Variants in MARVELD2 observed in about 807,000 individuals in gnomAD.
The protein encoded by MARVELD2 is MARVEL domain containing 2, also known as MARVEL domain-containing protein 2.
In MARVELD2, 49 loss-of-function variants were observed where a neutral mutation model predicts 57.6. That is an observed-to-expected ratio of 0.85 (90% CI 0.68 to 1.08). The LOEUF (loss-of-function observed/expected upper bound fraction) is 1.08, where lower values mean the gene tolerates loss of function less well. Ranked by LOEUF, MARVELD2 falls within the 50% of genes least tolerant of loss-of-function variation. The probability of loss-of-function intolerance (pLI) is 0.00; values close to 1 mark genes in which losing one functional copy is unlikely to be tolerated. For missense variants in MARVELD2, 606 were observed against 701.1 expected (o/e 0.86, Z 1.53); for synonymous variants, 238 against 258.8 (o/e 0.92, Z 0.77).
chr5:69,424,758 C>T, intron 3 of MARVELD2, 122 bp downstream of exon 3: 1 of 783,334 alleles, frequency 1.3e-6, no homozygotes. Context: ...GGTGTGGTGG[C>T]TCACACCTGT....
At chr5:69,422,507 G>A (rs914996709) in intron 2 of MARVELD2, among the ~76,000 whole-genome samples, 4 of 152,052 alleles carry the variant, frequency 2.6e-5, no homozygotes, top group African/African-American at 4.8e-5. Flanking sequence ...GGAAATTCCC[G>A]CCTAATAAAT....
intron 3 of MARVELD2, among the ~76,000 whole-genome samples, chr5:69,427,389 T>A (rs111588094): frequency 6.6e-6 from 1 of 151,234 alleles, no homozygotes; most frequent in Non-Finnish European, 1.5e-5. Flanking sequence ...TAGCTAGTTC[T>A]CCCTATATCT....
chr5:69,421,977 C>G (rs572087971), intron 2 of MARVELD2, among the ~76,000 whole-genome samples: 2 of 152,084 alleles, frequency 1.3e-5, no homozygotes, highest in Admixed American at 6.6e-5. Context: ...TTTCTTATGC[C>G]TGTCTTTACT....
At chr5:69,425,793 A>G (rs60436607) in intron 3 of MARVELD2, among the ~76,000 whole-genome samples, 2,111 of 149,676 alleles carry the variant, frequency 0.014, 51 homozygotes, top group African/African-American at 0.049. Flanking sequence ...CAGTGGCGCT[A>G]TCTCGGCTCA....
rs1766341048 is a variant in MARVELD2 at position 69,415,136 on chromosome 5, G to C, written c.-50G>C. On this transcript the variant is annotated 5_prime_UTR_variant, in exon 1 of 7. Transcript: ENST00000325631. ...AGCCCGATACCGGTTTCAGAGTCCT[G>C]GGCAGCGTGCGCGCTCTTCCTGGCG... 2 of 152,324 alleles carry C rather than the reference G, an allele frequency of 1.3e-5. No individual in the cohort carries two copies. Among genetic ancestry groups the C allele is most frequent in the Non-Finnish European group, 2.9e-5 (2 of 68,142 alleles). 9.4% of individuals were successfully genotyped at this position (152,324 alleles called of 1,614,324 possible).
chr5:69,420,081 C>T lies in MARVELD2; in HGVS notation c.696C>T (p.Gly232=). 6.2e-7 allele frequency: 1 copy of T among 1,614,094 alleles called. No homozygotes were observed. The highest frequency in any genetic ancestry group is 2.2e-5 in the East Asian group (1 of 44,882). ...TGTTTGGATATTCACAACCGTATGG[C>T]ATGGGAGGCGTTGGTGGATTGGGCA... ...YNLFGYSQPY[G]MGGVGGLGSM... The change falls in exon 2 of 7, where the codon GGC becomes GGT. Residue 232 remains glycine (G), a synonymous_variant. Transcript: ENST00000325631.
intron 3 of MARVELD2, among the ~76,000 whole-genome samples, chr5:69,425,400 A>AT (rs1474248528): frequency 5.6e-5 from 8 of 143,944 alleles, no homozygotes; most frequent in East Asian, 4.1e-4. Flanking sequence ...ATAATAAAAA[A>AT]ATATATATAT....
intron 5 of MARVELD2, among the ~76,000 whole-genome samples, chr5:69,434,458 C>G (rs1158351866): frequency 7.0e-6 from 1 of 142,466 alleles, no homozygotes; most frequent in Non-Finnish European, 1.5e-5. Context: ...GACCATGTCT[C>G]CAAAAAAAAA....
intron 5 of MARVELD2, among the ~76,000 whole-genome samples, chr5:69,436,426 CACACACACACACACACACACACACACAT>C (rs1411869932): frequency 1.4e-5 from 2 of 140,144 alleles, no homozygotes; most frequent in African/African-American, 2.6e-5. Context: ...CACACACACA[CACACACACACACACACACACACACACAT>C]ATATATAAAT....
Position 69,419,756 on chromosome 5 carries a change from C to T in MARVELD2, c.371C>T (p.Pro124Leu), listed in dbSNP as rs1210410073. Residue 124 changes from proline to leucine, a missense_variant, in exon 2 of 7, where the codon CCA (proline) becomes CTA (leucine). Coordinates refer to ENST00000325631, the MANE Select transcript of MARVELD2 (RefSeq NM_001038603.3). ...ECSPPASPAR[P>L]NHRSPLNSCK... Reference sequence around the variant, plus strand: ...TCACCACCAGCCTCTCCAGCAAGACCAAACCACCGTTCGCCCCTCAACTCC... The same window carrying T: ...TCACCACCAGCCTCTCCAGCAAGACTAAACCACCGTTCGCCCCTCAACTCC... The T allele has an allele frequency of 1.9e-6, 3 of 1,614,006 alleles. No individual in the cohort carries two copies. In the Admixed American group the frequency reaches 5.0e-5, roughly 27 times the overall value.
At position 69,424,371 on chromosome 5, in the gene MARVELD2, G is replaced by A. The variant is rs558251815; in HGVS notation, c.1147-230G>A. 2.7e-4 allele frequency among the ~76,000 whole-genome samples: 41 copies of A among 152,154 alleles called. 2 individuals are homozygous for A. The South Asian group carries it at 7.7e-3, about 28-fold the overall frequency. On this transcript the variant is annotated intron_variant, in intron 2 of 6. Coordinates refer to ENST00000325631, the MANE Select transcript of MARVELD2 (RefSeq NM_001038603.3). ...TTATCTAACAGTTTCCACCATCTCC[G>A]TATTCCCTACTCCTCTCTATGCCCT...
At chr5:69,429,766 C>G (rs1218227975) in intron 3 of MARVELD2, among the ~76,000 whole-genome samples, 1 of 150,688 alleles carries the variant, frequency 6.6e-6, no homozygotes, top group African/African-American at 2.4e-5. Context: ...ATAGGTTGAG[C>G]CCAGGAGTTC....
chr5:69,442,292 A>G lies in MARVELD2; in HGVS notation c.*638A>G, dbSNP rs1174001402. 6 of 152,170 alleles carry G rather than the reference A, an allele frequency of 3.9e-5. No homozygotes were observed. Among genetic ancestry groups the G allele is most frequent in the African/African-American group, 1.4e-4 (6 of 41,436 alleles). The allele number at this position is 152,170 out of a possible 1,614,324, so 9.4% of individuals were successfully genotyped here. ...GGGACAAATTTCTCTTCCTAGAGAA[A>G]TTCCTAGGGGATTTCTAAAGGATTT... On this transcript the variant is annotated 3_prime_UTR_variant, in exon 7 of 7. Transcript: ENST00000325631.
chr5:69,432,016 AT>A (rs112702646), intron 3 of MARVELD2, among the ~76,000 whole-genome samples: 335 of 141,342 alleles, frequency 2.4e-3, no homozygotes, highest in Middle Eastern at 7.3e-3. Flanking sequence ...CATCTGCCAG[AT>A]TTTTTTTTTT....
At chr5:69,441,163 A>T (rs954526144) in intron 6 of MARVELD2, among the ~76,000 whole-genome samples, 2 of 151,194 alleles carry the variant, frequency 1.3e-5, no homozygotes, top group Admixed American at 6.6e-5. Context: ...CTTTTTTTTT[A>T]AAGAGATGGG....
At position 69,428,607 on chromosome 5, in the gene MARVELD2, GT is replaced by G. The variant is rs1403092878; in HGVS notation, c.1183-3919del. On this transcript the variant is annotated intron_variant, in intron 3 of 6. Coordinates refer to ENST00000325631, the MANE Select transcript of MARVELD2 (RefSeq NM_001038603.3). ...TCAGGCTCCCTTTCTATATTAAAAG[GT>G]AAGTCTTACAATTAGGGATGGGCAA... Among the ~76,000 whole-genome samples, 106 of 39,736 alleles carry G rather than the reference GT, an allele frequency of 2.7e-3. 14 individuals carry two copies. Among genetic ancestry groups the G allele is most frequent in the African/African-American group, 6.4e-3 (74 of 11,560 alleles). 26.1% of individuals were successfully genotyped at this position (39,736 alleles called of 152,430 possible).
intron 2 of MARVELD2, among the ~76,000 whole-genome samples, chr5:69,422,255 C>T (rs1415288388): frequency 6.6e-6 from 1 of 152,164 alleles, no homozygotes; most frequent in African/African-American, 2.4e-5. Flanking sequence ...GGGAGATAAC[C>T]TTAAACTCTG....
chr5:69,420,592 C>T (rs1193827801), intron 2 of MARVELD2, 61 bp downstream of exon 2: 5 of 1,506,132 alleles, frequency 3.3e-6, no homozygotes, highest in Non-Finnish European at 4.6e-6. Context: ...TTATTTGCTC[C>T]CTTGTTAAAA....
Position 69,424,599 on chromosome 5 carries a change from A to G in MARVELD2, c.1147-2A>G, listed in dbSNP as rs763062791. 7 of 1,602,778 alleles carry G rather than the reference A, an allele frequency of 4.4e-6. No homozygotes were observed. In the East Asian group the frequency reaches 1.1e-4, roughly 26 times the overall value. On this transcript the variant is annotated splice_acceptor_variant, in intron 2 of 6. Coordinates refer to ENST00000325631, the MANE Select transcript of MARVELD2 (RefSeq NM_001038603.3). LOFTEE classifies it high-confidence loss of function. ...AAACTATTTGAACTCTTTTTGTTCC[A>G]GATAAATGAGCCATCATTGTCATCG... is the stretch of plus-strand genomic sequence containing the variant.
Sources: allele counts gnomAD v4.1 joint callset (sites outside exome capture counted in the v4.1 genomes callset), GRCh38; gene constraint gnomAD v4.1.1; transcripts MANE v1.5; gene names NCBI Gene and HGNC (gene_info 2026-07-23, HGNC 2026-07-21).